NAALADL2: variants seen among roughly 807,000 people sequenced by gnomAD.
NAALADL2 encodes the protein inactive N-acetylated-alpha-linked acidic dipeptidase-like protein 2.
Under a neutral mutation model 87.2 loss-of-function variants are expected in NAALADL2, and 76 were observed. That is an observed-to-expected ratio of 0.87 (90% CI 0.72 to 1.05). The LOEUF (loss-of-function observed/expected upper bound fraction) is 1.05. NAALADL2 is among the 50% of genes least tolerant of loss of function. The pLI is 0.00. For synonymous variants in NAALADL2, 354 were observed against 331.0 expected, an observed-to-expected ratio of 1.07 and a Z score of -0.75; for missense variants, 1,089 against 945.8, an observed-to-expected ratio of 1.15 and a Z score of -1.99.
chr3:175,537,944 A>G (rs906274462), intron 9 of NAALADL2, among the ~76,000 whole-genome samples: 4 of 152,182 alleles, frequency 2.6e-5, no homozygotes, highest in Non-Finnish European at 5.9e-5. Context: ...TTAATTGTAT[A>G]AGAAAAGAAT....
chr3:174,525,324 C>T (rs1327332314), intron 1 of NAALADL2, among the ~76,000 whole-genome samples: 1 of 152,218 alleles, frequency 6.6e-6, no homozygotes, highest in African/African-American at 2.4e-5. Context: ...GCTCACCATT[C>T]TGCAGGCTGT....
intron 11 of NAALADL2, among the ~76,000 whole-genome samples, chr3:175,674,434 T>G (rs886079233): frequency 3.4e-5 from 5 of 145,992 alleles, no homozygotes; most frequent in Admixed American, 2.7e-4. Context: ...TAATGTTTTT[T>G]TTTGCATTTT....
At chr3:175,505,851 T>A (rs1730236281) in intron 9 of NAALADL2, among the ~76,000 whole-genome samples, 1 of 152,202 alleles carries the variant, frequency 6.6e-6, no homozygotes, top group Non-Finnish European at 1.5e-5. Context: ...CCATTCACTT[T>A]AGATTCAGCT....
At chr3:175,524,586 A>G (rs1733127661) in intron 9 of NAALADL2, among the ~76,000 whole-genome samples, 2 of 152,094 alleles carry the variant, frequency 1.3e-5, no homozygotes, top group Admixed American at 6.6e-5. Context: ...TGTAATATCA[A>G]CACCATTTCA....
chr3:175,600,745 G>A (rs1722870078), intron 10 of NAALADL2, among the ~76,000 whole-genome samples: 1 of 151,676 alleles, frequency 6.6e-6, no homozygotes, highest in Non-Finnish European at 1.5e-5. Context: ...CACCGTGTTA[G>A]CCAGGATGGT....
intron 5 of NAALADL2, among the ~76,000 whole-genome samples, chr3:175,372,301 C>G (rs761153852): frequency 1.3e-5 from 2 of 152,188 alleles, no homozygotes; most frequent in African/African-American, 4.8e-5. Flanking sequence ...CCTTCTGGAG[C>G]GAAAACATGC....
At chr3:175,037,530 A>G (rs1753562331) in intron 1 of NAALADL2, among the ~76,000 whole-genome samples, 1 of 152,128 alleles carries the variant, frequency 6.6e-6, no homozygotes, top group Non-Finnish European at 1.5e-5. Context: ...GCTGGGGTTA[A>G]CCCTTGCCTA....
chr3:175,405,541 T>A (rs369562771), intron 5 of NAALADL2, among the ~76,000 whole-genome samples: 11 of 152,196 alleles, frequency 7.2e-5, no homozygotes, highest in East Asian at 3.8e-4. Context: ...TTGCAGACTT[T>A]CTTTTGATAA....
chr3:175,714,645 G>T, intron 11 of NAALADL2, among the ~76,000 whole-genome samples: 1 of 152,090 alleles, frequency 6.6e-6, no homozygotes, highest in East Asian at 1.9e-4. Flanking sequence ...TGTCAGATGA[G>T]TAGATTGCAA....
At chr3:174,838,820 A>G (rs896068178) in intron 3 of NAALADL2, among the ~76,000 whole-genome samples, 4 of 152,198 alleles carry the variant, frequency 2.6e-5, no homozygotes, top group African/African-American at 9.7e-5. Context: ...AAAGGATACT[A>G]CAAAACACTG....
intron 5 of NAALADL2, among the ~76,000 whole-genome samples, chr3:175,358,167 T>C (rs1257743505): frequency 3.3e-5 from 5 of 152,208 alleles, no homozygotes; most frequent in Non-Finnish European, 7.3e-5. Context: ...TGATTTTGTC[T>C]AAGTTTCCCA....
At chr3:175,147,623 C>A (rs1015102426) in intron 2 of NAALADL2, among the ~76,000 whole-genome samples, 1 of 152,002 alleles carries the variant, frequency 6.6e-6, no homozygotes, top group Non-Finnish European at 1.5e-5. Flanking sequence ...TGGGATTACT[C>A]GGTTGAATGA....
intron 2 of NAALADL2, among the ~76,000 whole-genome samples, chr3:174,629,102 C>T (rs1206900500): frequency 5.3e-5 from 8 of 152,124 alleles, no homozygotes; most frequent in African/African-American, 1.9e-4. Flanking sequence ...TAGTGACAAA[C>T]CATTATTCTT....
intron 2 of NAALADL2, among the ~76,000 whole-genome samples, chr3:175,154,250 A>G (rs564884710): frequency 5.9e-5 from 9 of 152,300 alleles, no homozygotes; most frequent in Admixed American, 4.6e-4. Flanking sequence ...TGAAAACCAT[A>G]TATCATTTCT....
chr3:174,813,528 A>G (rs892724074), intron 3 of NAALADL2, among the ~76,000 whole-genome samples: 4 of 152,222 alleles, frequency 2.6e-5, no homozygotes, highest in Admixed American at 2.0e-4. Flanking sequence ...TAGTTTAGGT[A>G]GTTAGTAAGC....
intron 1 of NAALADL2, among the ~76,000 whole-genome samples, chr3:174,874,614 T>C (rs1018148923): frequency 2.6e-4 from 40 of 152,126 alleles, no homozygotes; most frequent in African/African-American, 9.2e-4. Flanking sequence ...AAAAGCATCA[T>C]TGAGAAGGTG....
At chr3:175,279,779 AGTGTGTGAGTGTGT>A (rs567552696) in intron 4 of NAALADL2, among the ~76,000 whole-genome samples, 1 of 128,670 alleles carries the variant, frequency 7.8e-6, no homozygotes, top group Non-Finnish European at 1.6e-5. Flanking sequence ...TCCTCTGCAT[AGTGTGTGAGTGTGT>A]GTGTGTGTGT....
chr3:175,337,738 C>CTT (rs1762138777), intron 5 of NAALADL2, among the ~76,000 whole-genome samples: 1 of 152,242 alleles, frequency 6.6e-6, no homozygotes, highest in South Asian at 2.1e-4. Context: ...GCTTCTTTGA[C>CTT]TTTATCATAT....
At chr3:175,290,309 T>C (rs927565980) in intron 4 of NAALADL2, among the ~76,000 whole-genome samples, 1 of 152,198 alleles carries the variant, frequency 6.6e-6, no homozygotes, top group African/African-American at 2.4e-5. Flanking sequence ...TAGATATTCA[T>C]ACAATGGAAT....
Sources: allele counts gnomAD v4.1 joint callset (sites outside exome capture counted in the v4.1 genomes callset), GRCh38; gene constraint gnomAD v4.1.1; transcripts MANE v1.5; gene names NCBI Gene and HGNC (gene_info 2026-07-23, HGNC 2026-07-21).